The following CSMD2 variants were observed in gnomAD, a reference collection of about 807,000 sequenced individuals.
CSMD2 encodes the protein CUB and Sushi multiple domains 2, also known as CUB and sushi domain-containing protein 2.
In CSMD2, 130 loss-of-function variants were observed where a neutral mutation model predicts 398.5. The observed-to-expected ratio is 0.33, with a 90% confidence interval of 0.28 to 0.38. CSMD2 has a LOEUF of 0.38. Among genes scored for constraint, CSMD2 ranks in the 10% least tolerant of loss-of-function variants. CSMD2 has a pLI of 1.00. For missense variants in CSMD2, 3,829 were observed against 4,764.9 expected (o/e 0.80, Z 5.78); for synonymous variants, 1,828 against 1,908.5 (o/e 0.96, Z 1.10).
At chr1:33,923,125 G>A (rs1229726157) in intron 4 of CSMD2, among the ~76,000 whole-genome samples, 1 of 151,872 alleles carries the variant, frequency 6.6e-6, no homozygotes, top group Non-Finnish European at 1.5e-5. Flanking sequence ...ATTTTTATGG[G>A]GTATGCGTGT....
chr1:33,529,408 G>T (rs1161109346), intron 64 of CSMD2, among the ~76,000 whole-genome samples: 1 of 152,160 alleles, frequency 6.6e-6, no homozygotes, highest in African/African-American at 2.4e-5. Flanking sequence ...AAAGTAATCA[G>T]GGCTGGGTGG....
intron 41 of CSMD2, chr1:33,606,125 C>CA: frequency 7.4e-7 from 1 of 1,343,592 alleles, no homozygotes; most frequent in South Asian, 1.6e-5. Flanking sequence ...GAGATGCCTC[C>CA]ATGGAAGCAG....
At chr1:33,685,883 T>C (rs115151521) in intron 25 of CSMD2, among the ~76,000 whole-genome samples, 1 of 152,360 alleles carries the variant, frequency 6.6e-6, no homozygotes, top group African/African-American at 2.4e-5. Context: ...GTCTGGACTT[T>C]GTGTTTCCGA....
intron 1 of CSMD2, among the ~76,000 whole-genome samples, chr1:34,093,467 A>T (rs1481445694): frequency 6.6e-6 from 1 of 150,432 alleles, no homozygotes; most frequent in Admixed American, 6.6e-5. Flanking sequence ...TCTGAGCTAC[A>T]GGAGGACATT....
chr1:33,645,296 T>C (rs183384237), intron 29 of CSMD2, among the ~76,000 whole-genome samples: 50 of 151,212 alleles, frequency 3.3e-4, no homozygotes. Context: ...TAACAAAATC[T>C]ATCATTCCCA....
At chr1:33,970,284 C>T (rs978511091) in intron 3 of CSMD2, among the ~76,000 whole-genome samples, 6 of 152,136 alleles carry the variant, frequency 3.9e-5, no homozygotes, top group African/African-American at 1.4e-4. Context: ...CACACCAGAC[C>T]TCTAGGCAAT....
intron 5 of CSMD2, among the ~76,000 whole-genome samples, chr1:33,896,340 T>C (rs1406591880): frequency 6.6e-6 from 1 of 152,082 alleles, no homozygotes; most frequent in Non-Finnish European, 1.5e-5. Flanking sequence ...TTTGTTTCTG[T>C]GACATGGGTC....
rs181449728 is a variant in CSMD2 at position 33,648,075 on chromosome 1, G to A, written c.4587-1240C>T. Among the ~76,000 whole-genome samples the A allele has an allele frequency of 6.2e-4, 94 of 152,280 alleles. 1 individual carries two copies. Among genetic ancestry groups the A allele is most frequent in the Admixed American group, 6.1e-3 (93 of 15,290 alleles). The stretch of plus-strand genomic sequence containing the variant: ...TAGATCAGCTGCAGACAAAAGCAGG[G>A]CTTTTGGCCGGGCATGGTGGCTCAT... On this transcript the variant is annotated intron_variant, in intron 28 of 70. Coordinates refer to ENST00000373381, the MANE Select transcript of CSMD2 (RefSeq NM_001281956.2).
rs199793319 is a variant in CSMD2 at position 33,646,795 on chromosome 1, C to T, written c.4627G>A (p.Asp1543Asn). 11 of 1,613,636 alleles carry T rather than the reference C, an allele frequency of 6.8e-6. No individual in the cohort carries two copies. Among genetic ancestry groups the T allele is most frequent in the East Asian group, 4.5e-5 (2 of 44,870 alleles). Residue 1543 changes from aspartate (D) to asparagine (N), a missense_variant, in exon 29 of 71, where the codon GAC (aspartate) becomes AAC (asparagine). Around this residue, in one of 5 missense-constraint regions of CSMD2, gnomAD observed 2,001 missense variants for 2,567.1 expected, o/e 0.78. Transcript: ENST00000373381. ...AGAGGGCTGAGAGAGTCCCGTCCGT[C>T]GTAGATATGGAGGAAGTCATAGCCA... is the stretch of plus-strand genomic sequence containing the variant. ...EPGYDFLHIYDGRDSLSPLIG... is the reference protein window; with the variant it reads ...EPGYDFLHIYNGRDSLSPLIG...
At chr1:33,985,459 G>A (rs901139358) in intron 3 of CSMD2, among the ~76,000 whole-genome samples, 11 of 152,224 alleles carry the variant, frequency 7.2e-5, no homozygotes, top group Non-Finnish European at 1.6e-4. Flanking sequence ...CACGTCTGCA[G>A]GGCTTGGCAG....
intron 32 of CSMD2, among the ~76,000 whole-genome samples, chr1:33,631,112 A>G (rs1428309297): frequency 1.3e-5 from 2 of 152,102 alleles, no homozygotes; most frequent in Non-Finnish European, 2.9e-5. Context: ...TTGCAGCAAT[A>G]AAAATTAAAA....
At chr1:33,668,497 TGAATACTTATCTTATA>T (rs972864114) in intron 25 of CSMD2, among the ~76,000 whole-genome samples, 23 of 152,318 alleles carry the variant, frequency 1.5e-4, no homozygotes, top group African/African-American at 5.5e-4. Context: ...AGACTCTTAT[TGAATACTTATCTTATA>T]GAAATCAGAG....
chr1:33,755,764 G>A (rs996433843), intron 13 of CSMD2, among the ~76,000 whole-genome samples: 1 of 151,952 alleles, frequency 6.6e-6, no homozygotes, highest in African/African-American at 2.4e-5. Context: ...TCCCACCTCA[G>A]CTTCCCAAGT....
intron 5 of CSMD2, among the ~76,000 whole-genome samples, chr1:33,881,097 C>T (rs950546985): frequency 2.5e-4 from 38 of 152,296 alleles, no homozygotes; most frequent in African/African-American, 7.0e-4. Context: ...ATAAGCAACA[C>T]ATTACGCAGG....
At position 33,571,546 on chromosome 1, in the gene CSMD2, G is replaced by C. The variant is rs766108599; in HGVS notation, c.7943C>G (p.Thr2648Arg). 4 of 1,487,252 alleles carry C rather than the reference G, an allele frequency of 2.7e-6. No individual in the cohort carries two copies. In the African/African-American group the frequency reaches 5.5e-5, roughly 21 times the overall value. 92.1% of individuals were successfully genotyped at this position (1,487,252 alleles called of 1,614,324 possible). The change falls in exon 51 of 71, where the codon ACG becomes AGG. Residue 2648 changes from threonine to arginine, a missense_variant. This residue lies in a region of CSMD2 where 723 missense variants were observed against 758.6 expected (regional missense o/e 0.95). Transcript: ENST00000373381. ...CCTGGGCTTACTTCGGCAGGTGGGC[G>C]TAGAGTCCCCGAGGCTCCATTTGCC... ...ANGKWSLGDS[T>R]PTCRIISCGE... is the part of the protein sequence containing the mutation.
intron 9 of CSMD2, chr1:33,814,287 A>T (rs959512760): frequency 1.2e-4 from 19 of 152,114 alleles, no homozygotes; most frequent in African/African-American, 4.6e-4. Flanking sequence ...CATACAGTTG[A>T]GCTTTGCTGT....
At chr1:33,750,668 G>T (rs147046134) in intron 13 of CSMD2, among the ~76,000 whole-genome samples, 62 of 152,286 alleles carry the variant, frequency 4.1e-4, no homozygotes, top group Admixed American at 1.3e-3. Context: ...GGAAAAGAAA[G>T]TCCAGAAAAG....
At chr1:33,782,901 A>C (rs1023275445) in intron 12 of CSMD2, among the ~76,000 whole-genome samples, 1 of 152,086 alleles carries the variant, frequency 6.6e-6, no homozygotes, top group Non-Finnish European at 1.5e-5. Flanking sequence ...CTAGGGGGGA[A>C]TTGTGCCAGA....
At chr1:33,950,325 C>T (rs535832600) in intron 3 of CSMD2, among the ~76,000 whole-genome samples, 3 of 151,560 alleles carry the variant, frequency 2.0e-5, no homozygotes, top group Admixed American at 6.6e-5. Context: ...TGTACGTACC[C>T]GTCTCCTCCT....
Sources: allele counts gnomAD v4.1 joint callset (sites outside exome capture counted in the v4.1 genomes callset), GRCh38; gene constraint gnomAD v4.1.1; regional missense constraint gnomAD v4.1.1; transcripts MANE v1.5; gene names NCBI Gene and HGNC (gene_info 2026-07-23, HGNC 2026-07-21).